Variants in CTCFL observed in about 807,000 individuals in gnomAD.
CTCFL encodes CCCTC-binding factor like, also known as transcriptional repressor CTCFL.
A neutral mutation model predicts 67.4 loss-of-function variants in CTCFL; 36 were observed. The observed-to-expected ratio is 0.53, with a 90% CI of 0.41 to 0.71. The LOEUF is 0.71. CTCFL is among the 30% of genes least tolerant of loss of function. The pLI, the probability that CTCFL is intolerant of heterozygous loss-of-function variation, is 0.00. For synonymous variants in CTCFL, 324 were observed against 302.3 expected, an observed-to-expected ratio of 1.07 and a Z score of -0.75; for missense variants, 786 against 835.2, an observed-to-expected ratio of 0.94 and a Z score of 0.73.
At position 57,498,600 on chromosome 20, in the gene CTCFL, C is replaced by T. The variant is rs1031104736; in HGVS notation, c.1942G>A (p.Val648Met). 6.2e-7 allele frequency: 1 copy of T among 1,614,058 alleles called. No individual in the cohort carries two copies. Among genetic ancestry groups the T allele is most frequent in the African/African-American group, 1.3e-5 (1 of 74,938 alleles). The change falls in exon 11 of 11, where the codon GTG becomes ATG. Residue 648 changes from valine (V) to methionine (M), a missense_variant. Coordinates refer to ENST00000243914, the MANE Select transcript of CTCFL (RefSeq NM_001386993.1). Reference protein sequence around the residue: ...RETTARVKEEVDEGVTCEMLL... With the variant: ...RETTARVKEEMDEGVTCEMLL... Reference sequence around the variant, plus strand: ...ATTTCACAGGTCACGCCTTCATCCACTTCCTCTTTGACTCTGGCTGTGGTT... The same window carrying T: ...ATTTCACAGGTCACGCCTTCATCCATTTCCTCTTTGACTCTGGCTGTGGTT...
chr20:57,512,826 C>G (rs544572685), intron 7 of CTCFL, 74 bp from the exon 8 acceptor site: 1 of 1,462,738 alleles, frequency 6.8e-7, no homozygotes, highest in Non-Finnish European at 9.4e-7. Flanking sequence ...CTCCTCTAAA[C>G]CGGGGTTTCT....
intron 9 of CTCFL, among the ~76,000 whole-genome samples, chr20:57,506,228 G>A (rs531166247): frequency 3.5e-4 from 53 of 152,206 alleles, no homozygotes; most frequent in Non-Finnish European, 6.3e-4. Context: ...GCGTTGCCCT[G>A]GTGATTAATG....
At chr20:57,522,334 T>TGGG (rs1020671538) in intron 3 of CTCFL, among the ~76,000 whole-genome samples, 9 of 152,230 alleles carry the variant, frequency 5.9e-5, no homozygotes, top group Non-Finnish European at 1.2e-4. Flanking sequence ...ATTGAAATTT[T>TGGG]GGGGGTGAAA....
At chr20:57,507,570 G>C (rs938702451) in intron 9 of CTCFL, 1 of 702,880 alleles carries the variant, frequency 1.4e-6, no homozygotes, top group Admixed American at 2.0e-5. Flanking sequence ...CTTGCTCTGA[G>C]TCAGGAGGAC....
At chr20:57,502,546 G>T (rs183378665) in intron 10 of CTCFL, among the ~76,000 whole-genome samples, 2,142 of 125,542 alleles carry the variant, frequency 0.017, 49 homozygotes, top group African/African-American at 0.11. Context: ...ATGAGAACGT[G>T]GGGTATTTGC....
At chr20:57,501,259 G>A (rs778133841) in intron 10 of CTCFL, among the ~76,000 whole-genome samples, 5 of 152,306 alleles carry the variant, frequency 3.3e-5, no homozygotes, top group African/African-American at 7.2e-5. Context: ...CCAAATAAGC[G>A]TGAAGTGTGC....
Position 57,498,339 on chromosome 20 carries a change from C to G in CTCFL, c.*211G>C. 7.7e-7 allele frequency: 1 copy of G among 1,302,866 alleles called. No homozygotes were observed. Among genetic ancestry groups the G allele is most frequent in the Non-Finnish European group, 9.8e-7 (1 of 1,021,904 alleles). 80.7% of individuals were successfully genotyped at this position (1,302,866 alleles called of 1,614,324 possible). ...AGGAGAACAATTCTAGACACTACCT[C>G]AAACTTGTGTCATCCATTGTCATGA... is the stretch of plus-strand genomic sequence containing the variant. On this transcript the variant is annotated 3_prime_UTR_variant, in exon 11 of 11. Transcript: ENST00000243914.
chr20:57,506,377 C>T lies in CTCFL; in HGVS notation c.1674+2229G>A, dbSNP rs964156082. Among the ~76,000 whole-genome samples, 5 of 152,204 alleles carry T rather than the reference C, an allele frequency of 3.3e-5. No individual in the cohort carries two copies. In the South Asian group the frequency reaches 1.0e-3, roughly 32 times the overall value. ...GGACTGTAGTGGCACAGTCTCAGCT[C>T]ACTGCAACCTCCACCTCCTGGGTTC... On this transcript the variant is annotated intron_variant, in intron 9 of 10. Transcript: ENST00000243914.
chr20:57,518,693 G>C, intron 5 of CTCFL, 65 bp downstream of exon 5: 1 of 1,610,706 alleles, frequency 6.2e-7, no homozygotes, highest in Non-Finnish European at 8.5e-7. Flanking sequence ...AGTTACACTT[G>C]GAGTAACTTG....
At chr20:57,515,215 G>A in intron 6 of CTCFL, 1 of 163,938 alleles carries the variant, frequency 6.1e-6, no homozygotes, top group Admixed American at 5.9e-5. Flanking sequence ...CGCAATCCCG[G>A]CTCACTGCAG....
chr20:57,499,684 A>G (rs2067818140), intron 10 of CTCFL: 2 of 193,704 alleles, frequency 1.0e-5, no homozygotes, highest in Admixed American at 5.7e-5. Flanking sequence ...AGACAGTCCC[A>G]TCTGGGGGTG....
At chr20:57,518,919 A>T (rs1327818038) in intron 4 of CTCFL, 28 bp from the exon 5 acceptor site, 1 of 1,589,084 alleles carries the variant, frequency 6.3e-7, no homozygotes, top group Non-Finnish European at 8.6e-7. Context: ...TCATACTTTC[A>T]AAACAAGACT....
intron 8 of CTCFL, among the ~76,000 whole-genome samples, chr20:57,510,779 C>T (rs1157553240): frequency 2.6e-5 from 4 of 152,138 alleles, no homozygotes; most frequent in African/African-American, 9.7e-5. Context: ...AGGAGAATGG[C>T]GTGAACCCAG....
chr20:57,501,013 C>T (rs371927927), intron 10 of CTCFL, among the ~76,000 whole-genome samples: 31 of 152,272 alleles, frequency 2.0e-4, no homozygotes, highest in African/African-American at 5.8e-4. Flanking sequence ...GCCAGTAGCC[C>T]GGCCTTGGGT....
chr20:57,523,665 T>G lies in CTCFL; in HGVS notation c.541A>C (p.Lys181Gln), dbSNP rs2069576231. 6.2e-7 allele frequency: 1 copy of G among 1,612,480 alleles called. No homozygotes were observed. The highest frequency in any genetic ancestry group is 1.3e-5 in the African/African-American group (1 of 75,060). Residue 181 changes from lysine to glutamine, a missense_variant and splice_region_variant, in exon 2 of 11, where the codon AAG becomes CAG. By Grantham distance (53) the Lys-to-Gln change is moderately conservative (BLOSUM62 1). This residue lies in a region of CTCFL where 333 missense variants were observed against 304.6 expected (regional missense o/e 1.09). Coordinates refer to ENST00000243914, the MANE Select transcript of CTCFL (RefSeq NM_001386993.1). ...TTGTTTATTAAAACCAGCTGTACCTTGATCAGTCCAGTAGTTTCAGCCAGG... is the reference window on the plus strand; with the variant it reads ...TTGTTTATTAAAACCAGCTGTACCTGGATCAGTCCAGTAGTTTCAGCCAGG... ...VSLAETTGLI[K>Q]LEEEQEKNQL...
chr20:57,505,704 A>G (rs966145818), intron 9 of CTCFL, among the ~76,000 whole-genome samples: 1 of 152,206 alleles, frequency 6.6e-6, no homozygotes, highest in African/African-American at 2.4e-5. Context: ...GAAGCTACTG[A>G]GCAGAGGTCA....
chr20:57,497,956 ATAAGAG>A lies in CTCFL; in HGVS notation c.*588_*593del, dbSNP rs2146266331. On this transcript the variant is annotated 3_prime_UTR_variant, in exon 11 of 11. Coordinates refer to ENST00000243914, the MANE Select transcript of CTCFL (RefSeq NM_001386993.1). Reference sequence around the variant, plus strand: ...CATTTCCTACTCAGTTTTCCTTTTTATAAGAGTAAAACATTTTTTGGTTGAATTTAG... The same window carrying A: ...CATTTCCTACTCAGTTTTCCTTTTTATAAAACATTTTTTGGTTGAATTTAG... The A allele has an allele frequency of 6.4e-6, 6 of 935,770 alleles. No homozygotes were observed. Among genetic ancestry groups the A allele is most frequent in the Non-Finnish European group, 5.1e-6 (4 of 784,924 alleles). The allele number at this position is 935,770 out of a possible 1,614,324, so 58.0% of individuals were successfully genotyped here.
Position 57,519,273 on chromosome 20 carries a change from A to G in CTCFL, c.859T>C (p.Cys287Arg), listed in dbSNP as rs772909751. 5 of 1,614,182 alleles carry G rather than the reference A, an allele frequency of 3.1e-6. No homozygotes were observed. The highest frequency in any genetic ancestry group is 2.5e-6 in the Non-Finnish European group (3 of 1,180,034). The change falls in exon 4 of 11, where the codon TGT becomes CGT. Residue 287 changes from cysteine (C) to arginine (R), a missense_variant. Physicochemically the swap from Cys to Arg is radical, Grantham distance 180 (BLOSUM62 -3). Coordinates refer to ENST00000243914, the MANE Select transcript of CTCFL (RefSeq NM_001386993.1). ...CGGAAGGTTTTCAGGCAGAGGTGAC[A>G]CAGGTGAGGCTTCTCACTGGTGTGA... is the stretch of plus-strand genomic sequence containing the variant. ...KTHTSEKPHL[C>R]HLCLKTFRTV...
intron 10 of CTCFL, chr20:57,500,085 A>ATT (rs3068009): frequency 0.17 from 149,342 of 870,540 alleles, 5,038 homozygotes; most frequent in Admixed American, 0.39. Context: ...TCCTTGAAGT[A>ATT]TTTTTTTTTT....
Sources: gnomAD v4.1 joint callset for allele counts (sites outside exome capture counted in the v4.1 genomes callset) on GRCh38, gnomAD v4.1.1 for gene constraint, gnomAD v4.1.1 regional missense constraint, MANE v1.5 for transcripts, NCBI Gene and HGNC (gene_info 2026-07-23, HGNC 2026-07-21) for gene names.